Variants in SHISA9 observed in about 807,000 individuals in gnomAD.
SHISA9 encodes shisa family member 9.
Under a neutral mutation model 38.0 loss-of-function variants are expected in SHISA9, and 13 were observed. That is an observed-to-expected ratio of 0.34 (90% CI 0.22 to 0.54). SHISA9 has a LOEUF of 0.54. Among genes scored for constraint, SHISA9 ranks in the 20% least tolerant of loss-of-function variants. The probability of loss-of-function intolerance (pLI) is 0.91; values close to 1 mark genes in which losing one functional copy is unlikely to be tolerated. For missense variants in SHISA9, 538 were observed against 575.8 expected, an observed-to-expected ratio of 0.93 and a Z score of 0.67; for synonymous variants, 275 against 242.0, an observed-to-expected ratio of 1.14 and a Z score of -1.27.
the SHISA9 span, among the ~76,000 whole-genome samples, chr16:13,388,650 T>C: frequency 6.6e-6 from 1 of 152,178 alleles, no homozygotes; most frequent in Admixed American, 6.5e-5. Context: ...TTCTATCATA[T>C]GCTAACTCTC....
At chr16:13,561,098 A>C in the SHISA9 span, among the ~76,000 whole-genome samples, 2 of 152,154 alleles carry the variant, frequency 1.3e-5, no homozygotes, top group South Asian at 4.2e-4. Flanking sequence ...TCCTGACCTC[A>C]GGTGAACTGC....
chr16:13,384,074 A>C, the SHISA9 span, among the ~76,000 whole-genome samples: 3 of 152,334 alleles, frequency 2.0e-5, no homozygotes, highest in African/African-American at 7.2e-5. Flanking sequence ...GGAGAGAGGA[A>C]GAAACTATGC....
At chr16:13,467,900 C>A in the SHISA9 span, among the ~76,000 whole-genome samples, 1 of 152,200 alleles carries the variant, frequency 6.6e-6, no homozygotes, top group African/African-American at 2.4e-5. Context: ...GGAATACTTG[C>A]AAAACAAATT....
chr16:13,300,211 G>A, the SHISA9 span, among the ~76,000 whole-genome samples: 1 of 152,114 alleles, frequency 6.6e-6, no homozygotes, highest in Admixed American at 6.5e-5. Context: ...CAGTACGCCT[G>A]TATTTCAAGA....
At chr16:13,437,097 C>T in the SHISA9 span, among the ~76,000 whole-genome samples, 22 of 152,194 alleles carry the variant, frequency 1.4e-4, no homozygotes, top group East Asian at 7.7e-4. Context: ...TGGCACATTA[C>T]GGGAGCTGCA....
At chr16:13,054,792 A>G (rs1337232614) in intron 2 of SHISA9, among the ~76,000 whole-genome samples, 1 of 152,176 alleles carries the variant, frequency 6.6e-6, no homozygotes, top group Non-Finnish European at 1.5e-5. Flanking sequence ...AGTGATGTTC[A>G]ACTTGCTCTC....
At chr16:13,059,417 G>T (rs557463910) in intron 2 of SHISA9, among the ~76,000 whole-genome samples, 1 of 152,072 alleles carries the variant, frequency 6.6e-6, no homozygotes, top group Non-Finnish European at 1.5e-5. Flanking sequence ...GTGAGCCACC[G>T]CACCTGGCCT....
chr16:13,200,442 A>ACACACACACACACACACAC (rs1555470817), intron 2 of SHISA9, among the ~76,000 whole-genome samples: 143 of 132,336 alleles, frequency 1.1e-3, no homozygotes, highest in Admixed American at 2.5e-3. Flanking sequence ...ACACACACAC[A>ACACACACACACACACACAC]GCAGCAGCAG....
intron 2 of SHISA9, among the ~76,000 whole-genome samples, chr16:13,089,580 T>C (rs929769251): frequency 6.6e-6 from 1 of 152,266 alleles, no homozygotes; most frequent in African/African-American, 2.4e-5. Flanking sequence ...TTTTCTAGTT[T>C]ATTTGCATAG....
At chr16:13,450,285 A>T in the SHISA9 span, among the ~76,000 whole-genome samples, 4 of 152,348 alleles carry the variant, frequency 2.6e-5, no homozygotes, top group South Asian at 8.3e-4. Flanking sequence ...TATTGTGAAG[A>T]TTGGGAATTA....
the SHISA9 span, among the ~76,000 whole-genome samples, chr16:13,393,869 T>C: frequency 6.6e-6 from 1 of 152,204 alleles, no homozygotes; most frequent in Non-Finnish European, 1.5e-5. Context: ...AATCCTGGCA[T>C]AGGTTTCTAT....
chr16:13,120,458 A>C (rs965646413), intron 2 of SHISA9, among the ~76,000 whole-genome samples: 3 of 152,214 alleles, frequency 2.0e-5, no homozygotes, highest in African/African-American at 7.2e-5. Flanking sequence ...AGTGCCCCAA[A>C]GGTTTCCCAT....
chr16:13,123,961 A>G (rs944740088), intron 2 of SHISA9, among the ~76,000 whole-genome samples: 3 of 152,218 alleles, frequency 2.0e-5, no homozygotes, highest in African/African-American at 7.2e-5. Context: ...TTTGCACACA[A>G]CTGGCACTCA....
At chr16:13,212,479 C>T (rs373049350) in intron 3 of SHISA9, among the ~76,000 whole-genome samples, 14 of 152,046 alleles carry the variant, frequency 9.2e-5, no homozygotes, top group Non-Finnish European at 1.9e-4. Flanking sequence ...AGGGCTCATT[C>T]GGGACATCTG....
intron 2 of SHISA9, among the ~76,000 whole-genome samples, chr16:13,089,778 G>A (rs1334711495): frequency 1.3e-5 from 2 of 152,038 alleles, no homozygotes; most frequent in Non-Finnish European, 2.9e-5. Flanking sequence ...ATTTTTTGAA[G>A]TGTTTTTTGT....
intron 2 of SHISA9, among the ~76,000 whole-genome samples, chr16:13,112,221 T>A (rs919463340): frequency 6.6e-6 from 1 of 152,124 alleles, no homozygotes; most frequent in African/African-American, 2.4e-5. Flanking sequence ...GTTCTTGATA[T>A]GTTTAGAGAG....
chr16:13,020,809 T>C (rs1392508341), intron 2 of SHISA9, among the ~76,000 whole-genome samples: 1 of 152,226 alleles, frequency 6.6e-6, no homozygotes, highest in East Asian at 1.9e-4. Flanking sequence ...CCTAGCTGTT[T>C]GTAGTTCTAA....
At chr16:13,536,001 CT>C in the SHISA9 span, among the ~76,000 whole-genome samples, 18,406 of 144,366 alleles carry the variant, frequency 0.13, 1,062 homozygotes, top group Middle Eastern at 0.19. Context: ...ATATTTTTTT[CT>C]TTTTTTTTTT....
At chr16:13,379,280 GAAAGGAGAAC>G in the SHISA9 span, among the ~76,000 whole-genome samples, 1 of 152,222 alleles carries the variant, frequency 6.6e-6, no homozygotes, top group South Asian at 2.1e-4. Flanking sequence ...AAGGAAGTGG[GAAAGGAGAAC>G]AAAGTTTTCA....
Sources: gnomAD v4.1 joint callset for allele counts (sites outside exome capture counted in the v4.1 genomes callset) on GRCh38, gnomAD v4.1.1 for gene constraint, MANE v1.5 for transcripts, NCBI Gene and HGNC (gene_info 2026-07-23, HGNC 2026-07-21) for gene names.